RGS8: variants seen among roughly 807,000 people sequenced by gnomAD.
RGS8 encodes regulator of G-protein signaling 8.
A neutral mutation model predicts 21.7 loss-of-function variants in RGS8; 8 were observed. The ratio of observed to expected loss-of-function variants is 0.37; its 90% CI spans 0.22 to 0.66. RGS8 has a LOEUF of 0.66. Ranked by LOEUF, RGS8 falls within the 30% of genes least tolerant of loss-of-function variation. The pLI is 0.59. For synonymous variants in RGS8, 80 were observed against 83.6 expected (o/e 0.96, Z 0.24); for missense variants, 157 against 217.9 (o/e 0.72, Z 1.76).
At chr1:182,653,087 C>T (rs919964899) in intron 5 of RGS8, among the ~76,000 whole-genome samples, 6 of 152,146 alleles carry the variant, frequency 3.9e-5, no homozygotes, top group African/African-American at 1.4e-4. Context: ...TTTTGCAGCA[C>T]TACAAAAGAC....
the RGS8 span, among the ~76,000 whole-genome samples, chr1:182,739,745 G>T: frequency 6.6e-6 from 1 of 151,938 alleles, no homozygotes; most frequent in Non-Finnish European, 1.5e-5. Context: ...CACTCACCCA[G>T]CCAGCGGGCA....
the RGS8 span, among the ~76,000 whole-genome samples, chr1:182,728,362 G>A: frequency 5.3e-5 from 8 of 152,240 alleles, no homozygotes; most frequent in South Asian, 4.1e-4. Context: ...AAGAAGACAA[G>A]ATATTTAATT....
the RGS8 span, among the ~76,000 whole-genome samples, chr1:182,708,827 G>C: frequency 1.3e-5 from 2 of 152,242 alleles, no homozygotes; most frequent in African/African-American, 4.8e-5. Context: ...ACAGCCATGA[G>C]GTGATGAGAC....
the RGS8 span, among the ~76,000 whole-genome samples, chr1:182,729,779 A>C: frequency 6.6e-6 from 1 of 152,186 alleles, no homozygotes; most frequent in Non-Finnish European, 1.5e-5. Context: ...AGTTTAAAAG[A>C]CTCTGAAAGG....
chr1:182,699,557 G>A, the RGS8 span, among the ~76,000 whole-genome samples: 1 of 152,216 alleles, frequency 6.6e-6, no homozygotes, highest in Non-Finnish European at 1.5e-5. Flanking sequence ...CTAGACACGT[G>A]CCACATAGCT....
At chr1:182,659,621 C>T (rs1389220743) in intron 5 of RGS8, among the ~76,000 whole-genome samples, 2 of 152,142 alleles carry the variant, frequency 1.3e-5, no homozygotes. Context: ...ATCGCTTGAA[C>T]CCGGGAGGCA....
intron 5 of RGS8, among the ~76,000 whole-genome samples, chr1:182,648,797 G>A (rs1199161526): frequency 4.6e-5 from 7 of 151,780 alleles, no homozygotes; most frequent in African/African-American, 1.7e-4. Flanking sequence ...GGCAAGCCAT[G>A]CTTCATATTC....
chr1:182,655,271 T>C (rs907579280), intron 5 of RGS8, among the ~76,000 whole-genome samples: 2 of 152,136 alleles, frequency 1.3e-5, no homozygotes, highest in Non-Finnish European at 2.9e-5. Flanking sequence ...CAGTGACCAC[T>C]GAAGTGGAAG....
At chr1:182,715,415 C>T in the RGS8 span, among the ~76,000 whole-genome samples, 1 of 152,328 alleles carries the variant, frequency 6.6e-6, no homozygotes, top group African/African-American at 2.4e-5. Flanking sequence ...CTGGCTTCTT[C>T]TCAGGTCCTA....
At chr1:182,734,074 C>A in the RGS8 span, among the ~76,000 whole-genome samples, 1 of 151,944 alleles carries the variant, frequency 6.6e-6, no homozygotes, top group Admixed American at 6.6e-5. Context: ...GCGCCTGCCA[C>A]CATGCCCGGC....
the RGS8 span, among the ~76,000 whole-genome samples, chr1:182,697,850 CTG>C: frequency 6.6e-6 from 1 of 152,164 alleles, no homozygotes; most frequent in East Asian, 1.9e-4. Flanking sequence ...AATATTGTAA[CTG>C]TAGTGGGCCA....
At chr1:182,747,395 G>A in the RGS8 span, among the ~76,000 whole-genome samples, 1 of 152,162 alleles carries the variant, frequency 6.6e-6, no homozygotes, top group African/African-American at 2.4e-5. Context: ...GCCATGCAGA[G>A]AATGTTTTGT....
At chr1:182,713,792 G>A in the RGS8 span, among the ~76,000 whole-genome samples, 1 of 152,166 alleles carries the variant, frequency 6.6e-6, no homozygotes, top group Non-Finnish European at 1.5e-5. Context: ...CGCCAGCCCT[G>A]ACCCCATCAT....
At chr1:182,734,276 G>A in the RGS8 span, 2 of 152,192 alleles carry the variant, frequency 1.3e-5, no homozygotes, top group Non-Finnish European at 2.9e-5. Context: ...GTCAGTCACA[G>A]TGTGATCTGA....
chr1:182,742,477 C>T, the RGS8 span, among the ~76,000 whole-genome samples: 1 of 152,212 alleles, frequency 6.6e-6, no homozygotes, highest in East Asian at 1.9e-4. Flanking sequence ...GAGACTCCGT[C>T]TGCAATCTCG....
chr1:182,671,849 C>G, exon 1 of RGS8: 1 of 1,546,588 alleles, frequency 6.5e-7, no homozygotes, highest in East Asian at 2.3e-5. Context: ...CACAACACAC[C>G]TCCCACCACT....
downstream of RGS8, chr1:182,642,975 GAC>G (rs1453479485): frequency 2.6e-5 from 4 of 152,356 alleles, no homozygotes; most frequent in East Asian, 7.7e-4. Flanking sequence ...TGGGTACAGA[GAC>G]ACAGCCTAAT....
At chr1:182,657,238 CT>C (rs1159466748) in intron 5 of RGS8, among the ~76,000 whole-genome samples, 1 of 152,166 alleles carries the variant, frequency 6.6e-6, no homozygotes, top group African/African-American at 2.4e-5. Context: ...TCCCAGCGAG[CT>C]TTTCATCTGC....
chr1:182,751,116 G>A, the RGS8 span, among the ~76,000 whole-genome samples: 2 of 152,282 alleles, frequency 1.3e-5, no homozygotes, highest in Middle Eastern at 3.4e-3. Flanking sequence ...ATGATATGGG[G>A]GCAGGGGAAG....
Sources: gnomAD v4.1 joint callset for allele counts (sites outside exome capture counted in the v4.1 genomes callset) on GRCh38, gnomAD v4.1.1 for gene constraint, MANE v1.5 for transcripts, NCBI Gene and HGNC (gene_info 2026-07-23, HGNC 2026-07-21) for gene names.